ATAD3A: variants seen among roughly 807,000 people sequenced by gnomAD.
The protein encoded by ATAD3A is ATPase family AAA domain-containing protein 3A.
In ATAD3A, 46 loss-of-function variants were observed where a neutral mutation model predicts 73.8. The observed-to-expected ratio is 0.62, with a 90% CI of 0.49 to 0.80. The LOEUF is 0.80. Among genes scored for constraint, ATAD3A ranks in the 30% least tolerant of loss-of-function variants. The probability of loss-of-function intolerance (pLI) is 0.00; values close to 1 mark genes in which losing one functional copy is unlikely to be tolerated. For missense variants in ATAD3A, 705 were observed against 838.0 expected (o/e 0.84, Z 1.96); for synonymous variants, 319 against 350.0 (o/e 0.91, Z 0.99).
At chr1:1,516,736 T>C (rs1159582265) in intron 2 of ATAD3A, among the ~76,000 whole-genome samples, 2 of 151,944 alleles carry the variant, frequency 1.3e-5, no homozygotes, top group Non-Finnish European at 2.9e-5. Flanking sequence ...TATTTTTTTA[T>C]AGACAGAGTC....
Position 1,534,006 on chromosome 1 carries a change from C to A in ATAD3A, c.1695C>A (p.His565Gln), listed in dbSNP as rs763691696. The A allele has an allele frequency of 6.2e-7, 1 of 1,613,522 alleles. No homozygotes were observed. ...DTRVQDAVQQ[H>Q]QQKMCWLKAE... ...GCGTGCAAGATGCTGTCCAGCAGCA[C>A]CAGCAGAAGATGTGCTGGCTGAAGG... Residue 565 changes from histidine to glutamine, a missense_variant, in exon 16 of 16, where the codon CAC (histidine) becomes CAA (glutamine). His to Gln is a conservative substitution (Grantham distance 24, BLOSUM62 0). Around this residue, in one of 5 missense-constraint regions of ATAD3A, gnomAD observed 252 missense variants for 278.5 expected, o/e 0.90. Coordinates refer to ENST00000378756, the MANE Select transcript of ATAD3A (RefSeq NM_001170535.3).
At chr1:1,518,254 G>C (rs371771399) in intron 4 of ATAD3A, among the ~76,000 whole-genome samples, 9 of 141,456 alleles carry the variant, frequency 6.4e-5, no homozygotes, top group African/African-American at 2.1e-4. Flanking sequence ...CACACACACA[G>C]ATACGCACAC....
rs540518050 is a variant in ATAD3A at position 1,518,449 on chromosome 1, G to T, written c.445-472G>T. Among the ~76,000 whole-genome samples, 19 of 106,574 alleles carry T rather than the reference G, an allele frequency of 1.8e-4. 1 individual carries two copies. The South Asian group carries it at 2.8e-3, about 16-fold the overall frequency. 69.9% of individuals were successfully genotyped at this position (106,574 alleles called of 152,430 possible). A position where few individuals can be genotyped will look rare whatever the true frequency, so the allele number is the denominator to read the frequency against. On this transcript the variant is annotated intron_variant, in intron 4 of 15. Transcript: ENST00000378756. ...CACACACCCACACACATGGGCGCGC[G>T]TACACCCCCCTATACACATGGGCAC...
At chr1:1,533,035 C>T (rs948613016) in intron 15 of ATAD3A, among the ~76,000 whole-genome samples, 1 of 152,220 alleles carries the variant, frequency 6.6e-6, no homozygotes, top group African/African-American at 2.4e-5. Context: ...GGGACGGGCA[C>T]CACGTGGTCA....
chr1:1,530,661 C>G (rs1316638426), intron 15 of ATAD3A, among the ~76,000 whole-genome samples: 1 of 123,690 alleles, frequency 8.1e-6, no homozygotes, highest in Non-Finnish European at 1.5e-5. Context: ...AACCCCGTCT[C>G]TACTAAAAAT....
At chr1:1,527,568 G>T (rs550801717) in intron 13 of ATAD3A, 127 bp from the exon 14 acceptor site, 1 of 1,303,738 alleles carries the variant, frequency 7.7e-7, no homozygotes, top group Admixed American at 2.7e-5. Context: ...GCCGACCAGG[G>T]CTGTGCCCGT....
At chr1:1,521,167 C>T (rs1641581147) in intron 7 of ATAD3A, among the ~76,000 whole-genome samples, 2 of 151,012 alleles carry the variant, frequency 1.3e-5, no homozygotes, top group South Asian at 2.1e-4. Flanking sequence ...GGCGCAGTGG[C>T]GGGCGCCTAT....
chr1:1,528,798 A>C (rs1641938362), intron 14 of ATAD3A, among the ~76,000 whole-genome samples: 1 of 152,184 alleles, frequency 6.6e-6, no homozygotes, highest in Admixed American at 6.5e-5. Flanking sequence ...ATGCCAGCCC[A>C]GCTTTCCGGG....
chr1:1,528,067 C>T (rs1319697168), intron 14 of ATAD3A, among the ~76,000 whole-genome samples: 2 of 151,896 alleles, frequency 1.3e-5, no homozygotes, highest in Non-Finnish European at 2.9e-5. Flanking sequence ...TCAAACAATC[C>T]TCTTGCCTCA....
In ATAD3A at chr1:1,523,461, C is replaced by G; in HGVS notation, c.907-50C>G. ...GTGTGTGTGCGCGTTGGTGGCTGTT[C>G]CGTGGCTGTGGCAGGTGACCCGATG... On this transcript the variant is annotated intron_variant, in intron 8 of 15. Coordinates refer to ENST00000378756, the MANE Select transcript of ATAD3A (RefSeq NM_001170535.3). The surrounding 1 kb of genome is among the most constrained non-coding windows in gnomAD (Gnocchi z 5.1). The G allele has an allele frequency of 2.5e-6, 4 of 1,597,896 alleles. No individual in the cohort carries two copies. Among genetic ancestry groups the G allele is most frequent in the Non-Finnish European group, 2.6e-6 (3 of 1,172,524 alleles).
In ATAD3A at chr1:1,517,421, G is replaced by A. The variant is rs751157483; in HGVS notation, c.384+9G>A. ...CCCGGCAGCACCAGGCCGTAAGAGC[G>A]CAAGAGGCCGCGAGGGAGGCCGCCC... On this transcript the variant is annotated intron_variant, in intron 3 of 15. Coordinates refer to ENST00000378756, the MANE Select transcript of ATAD3A (RefSeq NM_001170535.3). 58 of 1,506,886 alleles carry A rather than the reference G, an allele frequency of 3.8e-5. 1 individual carries two copies. The South Asian group carries it at 4.0e-4, about 10-fold the overall frequency. 93.3% of individuals were successfully genotyped at this position (1,506,886 alleles called of 1,614,324 possible).
At position 1,534,545 on chromosome 1, in the gene ATAD3A, C is replaced by A; in HGVS notation, c.*473C>A. On this transcript the variant is annotated 3_prime_UTR_variant, in exon 16 of 16. Transcript: ENST00000378756. ...CCCCCTGTGGCCGGCATGCCCCGAT[C>A]TTTCACACACTGGTGACCCTGAGAG... The A allele has an allele frequency of 2.6e-6, 1 of 390,810 alleles. No homozygotes were observed. The highest frequency in any genetic ancestry group is 2.1e-5 in the African/African-American group (1 of 47,874). 24.2% of individuals were successfully genotyped at this position (390,810 alleles called of 1,614,324 possible).
chr1:1,533,540 CAGGGTCTG>C (rs1215619702), intron 15 of ATAD3A, among the ~76,000 whole-genome samples: 2 of 152,162 alleles, frequency 1.3e-5, no homozygotes, highest in African/African-American at 2.4e-5. Flanking sequence ...CTGTGAGGGT[CAGGGTCTG>C]AGGGTCTGAG....
chr1:1,522,558 C>A (rs1046585725), intron 7 of ATAD3A, among the ~76,000 whole-genome samples, 186 bp from the exon 8 acceptor site: 1 of 152,220 alleles, frequency 6.6e-6, no homozygotes, highest in Non-Finnish European at 1.5e-5. Flanking sequence ...GTGACTGCCC[C>A]ACCTGCCTCC....
intron 7 of ATAD3A, among the ~76,000 whole-genome samples, chr1:1,522,229 C>T (rs762653421): frequency 4.6e-5 from 7 of 151,766 alleles, no homozygotes; most frequent in African/African-American, 9.7e-5. Flanking sequence ...TTAGTAGAGA[C>T]GGGGTTTCTC....
rs552126850 is a variant in ATAD3A at position 1,527,236 on chromosome 1, C to T, written c.1338-459C>T. ...TGACTCCTCAGGCACGTTGGGCTCC[C>T]AGGTCAGCTGCTGCCGGTGGATGCT... On this transcript the variant is annotated intron_variant, in intron 13 of 15. Transcript: ENST00000378756. 1,096 of 1,298,224 alleles carry T rather than the reference C, an allele frequency of 8.4e-4. 1 individual carries two copies. Among genetic ancestry groups the T allele is most frequent in the Non-Finnish European group, 1.0e-3 (1,013 of 986,212 alleles). 80.4% of individuals were successfully genotyped at this position (1,298,224 alleles called of 1,614,324 possible). A position where few individuals can be genotyped will look rare whatever the true frequency, so the allele number is the denominator to read the frequency against.
At position 1,524,386 on chromosome 1, in the gene ATAD3A, C is replaced by T. The variant is rs1641726111; in HGVS notation, c.1203C>T (p.Thr401=). The T allele has an allele frequency of 6.2e-7, 1 of 1,607,442 alleles. No homozygotes were observed. Among genetic ancestry groups the T allele is most frequent in the Non-Finnish European group, 8.5e-7 (1 of 1,177,900 alleles). ...AMHKLFDWAN[T]SRRGLLLFVD... Reference sequence around the variant, plus strand: ...ACAAGCTCTTTGACTGGGCCAATACCAGCCGGCGCGGGTGAGACGTCCCCA... The same window carrying T: ...ACAAGCTCTTTGACTGGGCCAATACTAGCCGGCGCGGGTGAGACGTCCCCA... Residue 401 remains threonine, a synonymous_variant, in exon 11 of 16, where the codon ACC becomes ACT. Coordinates refer to ENST00000378756, the MANE Select transcript of ATAD3A (RefSeq NM_001170535.3).
At chr1:1,517,986 G>A (rs972879268) in intron 4 of ATAD3A, among the ~76,000 whole-genome samples, 10 of 151,826 alleles carry the variant, frequency 6.6e-5, no homozygotes, top group Admixed American at 6.6e-4. Context: ...TGGAGACACA[G>A]GCACCTACCC....
Position 1,524,363 on chromosome 1 carries a change from A to G in ATAD3A, c.1180A>G (p.Lys394Glu), listed in dbSNP as rs1641725054. The G allele has an allele frequency of 6.2e-7, 1 of 1,610,558 alleles. No homozygotes were observed. Among genetic ancestry groups the G allele is most frequent in the South Asian group, 1.1e-5 (1 of 90,970 alleles). ...GCGGGAAGGCGTGACCGCCATGCACAAGCTCTTTGACTGGGCCAATACCAG... is the reference window on the plus strand; with the variant it reads ...GCGGGAAGGCGTGACCGCCATGCACGAGCTCTTTGACTGGGCCAATACCAG... The part of the protein sequence containing the change: ...MGREGVTAMH[K>E]LFDWANTSRR... The change falls in exon 11 of 16, where the codon AAG (lysine) becomes GAG (glutamate). Residue 394 changes from lysine (K) to glutamate (E), a missense_variant. Lys to Glu is a moderately conservative substitution (Grantham distance 56). Coordinates refer to ENST00000378756, the MANE Select transcript of ATAD3A (RefSeq NM_001170535.3).
Sources: allele counts gnomAD v4.1 joint callset (sites outside exome capture counted in the v4.1 genomes callset), GRCh38; gene constraint gnomAD v4.1.1; regional missense constraint gnomAD v4.1.1; non-coding constraint Gnocchi (gnomAD v3.1); transcripts MANE v1.5; gene names NCBI Gene and HGNC (gene_info 2026-07-23, HGNC 2026-07-21).